The following CDKAL1 variants were observed in gnomAD, a reference collection of about 807,000 sequenced individuals.
CDKAL1 encodes the protein CDKAL1 threonylcarbamoyladenosine tRNA methylthiotransferase.
In CDKAL1, 32 loss-of-function variants were observed where a neutral mutation model predicts 68.2. The ratio of observed to expected loss-of-function variants is 0.47; its 90% CI spans 0.35 to 0.63. The LOEUF (loss-of-function observed/expected upper bound fraction) is 0.63, where lower values mean the gene tolerates loss of function less well. CDKAL1 is among the 30% of genes least tolerant of loss of function. The pLI, the probability that CDKAL1 is intolerant of heterozygous loss-of-function variation, is 0.00. For synonymous variants in CDKAL1, 234 were observed against 244.3 expected (o/e 0.96, Z 0.39); for missense variants, 606 against 696.7 (o/e 0.87, Z 1.47).
At chr6:20,655,980 A>G (rs1432513279) in intron 5 of CDKAL1, among the ~76,000 whole-genome samples, 2 of 152,214 alleles carry the variant, frequency 1.3e-5, no homozygotes, top group Non-Finnish European at 2.9e-5. Context: ...TAAGTGCTTT[A>G]GATGAATTAG....
chr6:21,006,663 G>A lies in CDKAL1; in HGVS notation c.1055+6291G>A, dbSNP rs574900830. 8.5e-5 allele frequency among the ~76,000 whole-genome samples: 13 copies of A among 152,114 alleles called. No individual in the cohort carries two copies. In the South Asian group the frequency reaches 2.7e-3, roughly 32 times the overall value. On this transcript the variant is annotated intron_variant, in intron 11 of 15. Transcript: ENST00000274695. ...ATATTTACTTTTTTTTCCTTCTCCA[G>A]TGTGTTGTTATATTTAGAAGATTAT...
At chr6:20,951,116 T>C (rs536804257) in intron 9 of CDKAL1, among the ~76,000 whole-genome samples, 22 of 152,216 alleles carry the variant, frequency 1.4e-4, no homozygotes, top group Non-Finnish European at 2.5e-4. Context: ...TCTTTAACTA[T>C]AGATCCCCAT....
At chr6:20,593,698 TTATTTC>T (rs1765694140) in intron 4 of CDKAL1, among the ~76,000 whole-genome samples, 1 of 152,110 alleles carries the variant, frequency 6.6e-6, no homozygotes, top group African/African-American at 2.4e-5. Context: ...CTGATCTTAG[TTATTTC>T]TTGTCTTCTG....
chr6:20,560,720 TTGA>T lies in CDKAL1; in HGVS notation c.286+12018_286+12020del, dbSNP rs1329065354. Among the ~76,000 whole-genome samples, 5 of 152,294 alleles carry T rather than the reference TTGA, an allele frequency of 3.3e-5. 1 individual carries two copies. The East Asian group carries it at 9.6e-4, about 29-fold the overall frequency. On this transcript the variant is annotated intron_variant, in intron 4 of 15. Transcript: ENST00000274695. The stretch of plus-strand genomic sequence containing the variant: ...CAATTCCTACTTTACCAGCATATGT[TTGA>T]TGGTTAAGGGGGAAGTGATTTGAAT...
intron 4 of CDKAL1, among the ~76,000 whole-genome samples, chr6:20,612,071 A>G (rs1007195021): frequency 1.2e-4 from 19 of 152,160 alleles, no homozygotes; most frequent in African/African-American, 4.6e-4. Context: ...GTTGCTGCAA[A>G]TGATATGATT....
chr6:20,594,618 C>G (rs1765740438), intron 4 of CDKAL1, among the ~76,000 whole-genome samples: 1 of 152,032 alleles, frequency 6.6e-6, no homozygotes, highest in South Asian at 2.1e-4. Flanking sequence ...GCCGACGGGT[C>G]TTGACTCTTT....
intron 13 of CDKAL1, among the ~76,000 whole-genome samples, chr6:21,127,194 G>A (rs1298628421): frequency 6.6e-6 from 1 of 152,192 alleles, no homozygotes; most frequent in Non-Finnish European, 1.5e-5. Context: ...CATTGACTGG[G>A]ATGTGAAGGA....
intron 7 of CDKAL1, among the ~76,000 whole-genome samples, chr6:20,773,877 CT>C (rs1325012414): frequency 6.6e-6 from 1 of 152,000 alleles, no homozygotes; most frequent in Non-Finnish European, 1.5e-5. Flanking sequence ...ACTTTTTTTG[CT>C]TGAATTTTCT....
intron 4 of CDKAL1, among the ~76,000 whole-genome samples, chr6:20,627,170 A>G (rs928588584): frequency 6.6e-6 from 1 of 152,202 alleles, no homozygotes; most frequent in Admixed American, 6.5e-5. Context: ...TCTGCTTGAT[A>G]CATAGTTTTC....
At chr6:20,616,115 G>A (rs1766885243) in intron 4 of CDKAL1, among the ~76,000 whole-genome samples, 1 of 149,232 alleles carries the variant, frequency 6.7e-6, no homozygotes, top group African/African-American at 2.4e-5. Flanking sequence ...ATTTCTGAGG[G>A]CTCTGTTCTG....
chr6:20,641,615 A>G (rs1768179681), intron 4 of CDKAL1, among the ~76,000 whole-genome samples: 1 of 152,154 alleles, frequency 6.6e-6, no homozygotes, highest in South Asian at 2.1e-4. Flanking sequence ...ATATTCTTCT[A>G]CACCTTGCTT....
At chr6:20,842,176 G>A (rs1171786149) in intron 8 of CDKAL1, among the ~76,000 whole-genome samples, 1 of 151,978 alleles carries the variant, frequency 6.6e-6, no homozygotes, top group African/African-American at 2.4e-5. Context: ...CATAATTCTT[G>A]GTGATTAGAA....
chr6:21,191,848 G>A (rs866151054), intron 13 of CDKAL1, among the ~76,000 whole-genome samples: 17 of 151,822 alleles, frequency 1.1e-4, no homozygotes, highest in South Asian at 4.2e-4. Flanking sequence ...TTCACAGCTG[G>A]GGGCCGTGTT....
chr6:21,221,369 C>T (rs1459834313), intron 15 of CDKAL1, among the ~76,000 whole-genome samples: 4 of 151,864 alleles, frequency 2.6e-5, no homozygotes, highest in Non-Finnish European at 5.9e-5. Context: ...GCTGGGACTA[C>T]AAGCACATGC....
chr6:20,863,778 A>G (rs1282701131), intron 9 of CDKAL1, among the ~76,000 whole-genome samples: 1 of 152,252 alleles, frequency 6.6e-6, no homozygotes, highest in Admixed American at 6.5e-5. Flanking sequence ...CAAACTAGGT[A>G]ATATTTGAAA....
intron 5 of CDKAL1, among the ~76,000 whole-genome samples, chr6:20,730,493 G>T (rs1219346153): frequency 6.9e-6 from 1 of 144,396 alleles, no homozygotes. Flanking sequence ...GAAAGAAAAA[G>T]AAAAGAAAGA....
chr6:21,026,319 C>G (rs927255964), intron 11 of CDKAL1, among the ~76,000 whole-genome samples: 2 of 151,952 alleles, frequency 1.3e-5, no homozygotes, highest in Non-Finnish European at 2.9e-5. Flanking sequence ...TAATTTTACT[C>G]ATTTTGTGGA....
intron 5 of CDKAL1, among the ~76,000 whole-genome samples, chr6:20,651,339 G>A (rs1768761468): frequency 6.6e-6 from 1 of 152,130 alleles, no homozygotes; most frequent in Non-Finnish European, 1.5e-5. Context: ...GTTCATTCAT[G>A]ATTTGGCTCT....
At chr6:20,887,715 G>C (rs1294204686) in intron 9 of CDKAL1, among the ~76,000 whole-genome samples, 3 of 94,972 alleles carry the variant, frequency 3.2e-5, no homozygotes, top group Non-Finnish European at 7.5e-5. Context: ...TATCTTTAGA[G>C]TAGTTTGGGC....
Sources: gnomAD v4.1 joint callset for allele counts (sites outside exome capture counted in the v4.1 genomes callset) on GRCh38, gnomAD v4.1.1 for gene constraint, MANE v1.5 for transcripts, NCBI Gene and HGNC (gene_info 2026-07-23, HGNC 2026-07-21) for gene names.